The following FANK1 variants were observed in gnomAD, a reference collection of about 807,000 sequenced individuals.
FANK1 encodes fibronectin type 3 and ankyrin repeat domains protein 1.
A neutral mutation model predicts 45.3 loss-of-function variants in FANK1; 44 were observed. That is an observed-to-expected ratio of 0.97 (90% CI 0.76 to 1.25). The LOEUF is 1.25. Among genes scored for constraint, FANK1 ranks in the 50% most tolerant of loss-of-function variants. The probability of loss-of-function intolerance (pLI) is 0.00; values close to 1 mark genes in which losing one functional copy is unlikely to be tolerated. For missense variants in FANK1, 391 were observed against 424.4 expected (o/e 0.92, Z 0.69); for synonymous variants, 149 against 152.5 (o/e 0.98, Z 0.17).
chr10:125,995,548 A>G (rs1251814953), intron 4 of FANK1, 50 bp downstream of exon 4: 6 of 1,515,592 alleles, frequency 4.0e-6, no homozygotes, highest in South Asian at 1.1e-5. Flanking sequence ...TATAAAGTGC[A>G]TAGAAATACA....
intron 1 of FANK1, among the ~76,000 whole-genome samples, chr10:125,961,309 A>G (rs1002143544): frequency 3.3e-5 from 5 of 152,094 alleles, no homozygotes; most frequent in East Asian, 1.9e-4. Context: ...GAGTCTCACT[A>G]TATTGTGTAG....
At chr10:125,972,757 G>A (rs986917591) in intron 1 of FANK1, 4 of 151,950 alleles carry the variant, frequency 2.6e-5, no homozygotes, top group Non-Finnish European at 4.4e-5. Flanking sequence ...TCTGAGCAAC[G>A]TGTTGCGTAG....
chr10:125,994,412 T>C (rs1952162792), intron 3 of FANK1: 6 of 985,286 alleles, frequency 6.1e-6, no homozygotes, highest in Non-Finnish European at 7.2e-6. Flanking sequence ...CTTTGAGGTT[T>C]TTTTAGACCA....
At chr10:125,971,909 G>A (rs1362757496) in intron 1 of FANK1, among the ~76,000 whole-genome samples, 1 of 152,140 alleles carries the variant, frequency 6.6e-6, no homozygotes, top group East Asian at 1.9e-4. Flanking sequence ...TTACAGGTGT[G>A]AGCCACTGCG....
intron 1 of FANK1, among the ~76,000 whole-genome samples, chr10:125,898,606 C>G (rs1250144068): frequency 6.6e-6 from 1 of 151,684 alleles, no homozygotes; most frequent in Non-Finnish European, 1.5e-5. Flanking sequence ...ATTAGTAAAG[C>G]TGTAGCTAAG....
intron 3 of FANK1, among the ~76,000 whole-genome samples, chr10:125,992,159 G>A (rs1018590259): frequency 9.2e-5 from 14 of 152,352 alleles, no homozygotes; most frequent in Middle Eastern, 3.4e-3. Flanking sequence ...GAAGGATTCA[G>A]GGGTGGGAGG....
At chr10:125,919,195 A>ATTTTT (rs142716284) in intron 1 of FANK1, among the ~76,000 whole-genome samples, 1,028 of 51,850 alleles carry the variant, frequency 0.02, 215 homozygotes, top group South Asian at 0.037. Flanking sequence ...GGAGGTAAGA[A>ATTTTT]TTTTTTTTTT....
At chr10:125,973,570 A>G (rs960224718) in intron 1 of FANK1, 1 of 526,362 alleles carries the variant, frequency 1.9e-6, no homozygotes, top group African/African-American at 2.1e-5. Flanking sequence ...TGGTTTCTCT[A>G]AGAAAACCAA....
chr10:125,961,086 G>A (rs7894453), intron 1 of FANK1, among the ~76,000 whole-genome samples: 49,602 of 151,962 alleles, frequency 0.33, 8,397 homozygotes, highest in East Asian at 0.46. Context: ...TAATGTATTC[G>A]TCTACAGCCA....
At chr10:125,964,813 G>GCTC (rs1185833184) in intron 1 of FANK1, among the ~76,000 whole-genome samples, 6 of 152,178 alleles carry the variant, frequency 3.9e-5, no homozygotes, top group African/African-American at 1.4e-4. Context: ...TTTCCAAAGA[G>GCTC]ATTTCCCAAT....
intron 1 of FANK1, among the ~76,000 whole-genome samples, chr10:125,922,864 A>G (rs995592629): frequency 3.7e-4 from 56 of 152,182 alleles, no homozygotes; most frequent in African/African-American, 1.3e-3. Flanking sequence ...GATGGCCTAT[A>G]AATATTTTTT....
rs186457604 is a variant in FANK1 at position 125,954,793 on chromosome 10, G to A, written c.14-25368G>A. On this transcript the variant is annotated intron_variant, in intron 1 of 10. Coordinates refer to ENST00000368693, the MANE Select transcript of FANK1 (RefSeq NM_145235.5). The stretch of plus-strand genomic sequence containing the variant: ...AAATTAGCCGGGCCCAGTGGTGCAC[G>A]CCTGTAGTCTTCAGCTACTTGGGAG... 6.1e-3 allele frequency among the ~76,000 whole-genome samples: 926 copies of A among 152,082 alleles called. 10 individuals are homozygous for A. The Middle Eastern group carries it at 0.085, about 14-fold the overall frequency.
intron 2 of FANK1, among the ~76,000 whole-genome samples, chr10:125,981,931 T>C (rs939633997): frequency 1.3e-5 from 2 of 152,232 alleles, no homozygotes; most frequent in African/African-American, 4.8e-5. Context: ...ATAATCTGTA[T>C]ATGAAAGCTC....
At chr10:125,984,754 A>G (rs2134206290) in intron 2 of FANK1, among the ~76,000 whole-genome samples, 1 of 152,316 alleles carries the variant, frequency 6.6e-6, no homozygotes, top group African/African-American at 2.4e-5. Context: ...CTTATGTTTC[A>G]TATTTGCTCA....
At chr10:125,964,520 T>C (rs971080893) in intron 1 of FANK1, among the ~76,000 whole-genome samples, 1 of 152,142 alleles carries the variant, frequency 6.6e-6, no homozygotes, top group African/African-American at 2.4e-5. Context: ...TACATAACGT[T>C]TTACAACTTT....
chr10:125,958,159 T>C, intron 1 of FANK1, among the ~76,000 whole-genome samples: 1 of 152,222 alleles, frequency 6.6e-6, no homozygotes, highest in East Asian at 1.9e-4. Flanking sequence ...CCTATCTAGC[T>C]GTAATTTTGT....
chr10:125,915,999 A>G (rs796625287), intron 1 of FANK1, among the ~76,000 whole-genome samples: 1 of 152,116 alleles, frequency 6.6e-6, no homozygotes, highest in South Asian at 2.1e-4. Context: ...TAATTGTCAT[A>G]TGTAGCTCCT....
chr10:125,950,869 T>C (rs958919794), intron 1 of FANK1, among the ~76,000 whole-genome samples: 15 of 148,852 alleles, frequency 1.0e-4, no homozygotes, highest in African/African-American at 3.0e-4. Flanking sequence ...ATAGACTGGA[T>C]TAAGAAAATG....
chr10:125,938,951 C>T (rs551244980), intron 1 of FANK1, among the ~76,000 whole-genome samples: 2 of 152,282 alleles, frequency 1.3e-5, no homozygotes, highest in Non-Finnish European at 2.9e-5. Flanking sequence ...AGAGATCTGG[C>T]AAACTCCACT....
Sources: gnomAD v4.1 joint callset for allele counts (sites outside exome capture counted in the v4.1 genomes callset) on GRCh38, gnomAD v4.1.1 for gene constraint, MANE v1.5 for transcripts, NCBI Gene and HGNC (gene_info 2026-07-23, HGNC 2026-07-21) for gene names.